Variants in SAMMSON observed in about 807,000 individuals in gnomAD.
The protein encoded by SAMMSON is survival associated mitochondrial melanoma specific oncogenic non-coding RNA, also known as long intergenic non-protein coding RNA 1212.
chr3:70,105,850 G>C (rs557223111), intron 4 of SAMMSON, among the ~76,000 whole-genome samples: 27 of 152,152 alleles, frequency 1.8e-4, no homozygotes, highest in Middle Eastern at 6.8e-3. Context: ...TTGAACACTC[G>C]AATCAAACAA....
chr3:70,092,706 C>A (rs1335056162), intron 4 of SAMMSON, among the ~76,000 whole-genome samples: 1 of 152,092 alleles, frequency 6.6e-6, no homozygotes, highest in Admixed American at 6.6e-5. Context: ...TTAATAGACA[C>A]TGGATGCTTA....
chr3:70,388,313 C>T (rs1183445805), intron 9 of SAMMSON, among the ~76,000 whole-genome samples: 4 of 152,138 alleles, frequency 2.6e-5, no homozygotes, highest in Admixed American at 1.3e-4. Flanking sequence ...ATAATAAAGT[C>T]GAGTGATTTT....
chr3:70,016,566 G>T (rs865943280), intron 3 of SAMMSON, among the ~76,000 whole-genome samples: 2 of 151,966 alleles, frequency 1.3e-5, no homozygotes, highest in African/African-American at 4.8e-5. Context: ...AGTTTCTTTT[G>T]CTGTGCAGAA....
chr3:70,417,318 T>C (rs1383824825), intron 2 of SAMMSON, among the ~76,000 whole-genome samples: 1 of 152,190 alleles, frequency 6.6e-6, no homozygotes, highest in South Asian at 2.1e-4. Context: ...TAAAGAGCCA[T>C]AGACAGAACA....
chr3:70,003,459 C>G (rs1322689430), intron 1 of SAMMSON, among the ~76,000 whole-genome samples: 1 of 151,686 alleles, frequency 6.6e-6, no homozygotes, highest in Non-Finnish European at 1.5e-5. Context: ...ATGCTTTGCT[C>G]TAGGAGTTTG....
chr3:70,231,949 T>G (rs1701563593), intron 4 of SAMMSON, among the ~76,000 whole-genome samples: 1 of 152,210 alleles, frequency 6.6e-6, no homozygotes, highest in African/African-American at 2.4e-5. Context: ...CGTGTATTCT[T>G]GACAGTTGTT....
intron 6 of SAMMSON, among the ~76,000 whole-genome samples, chr3:70,278,076 T>C (rs1363637064): frequency 6.6e-6 from 1 of 152,134 alleles, no homozygotes; most frequent in East Asian, 1.9e-4. Context: ...TTCAGCAACA[T>C]AGACAGCTCT....
At chr3:70,172,343 A>G (rs1478564937) in intron 4 of SAMMSON, 1 of 150,992 alleles carries the variant, frequency 6.6e-6, no homozygotes, top group Admixed American at 6.6e-5. Flanking sequence ...GTCATGCTAG[A>G]AAGAGTTTAT....
At chr3:70,406,526 A>G (rs1701179658) in intron 2 of SAMMSON, among the ~76,000 whole-genome samples, 1 of 152,182 alleles carries the variant, frequency 6.6e-6, no homozygotes. Context: ...AAAAATAGCA[A>G]CCATATATTA....
chr3:70,234,143 T>A (rs1701587150), intron 4 of SAMMSON, among the ~76,000 whole-genome samples: 1 of 152,222 alleles, frequency 6.6e-6, no homozygotes, highest in Non-Finnish European at 1.5e-5. Context: ...CTGAGTGGGA[T>A]GTGGACAACT....
At chr3:70,383,968 G>A (rs1434455257) in intron 9 of SAMMSON, among the ~76,000 whole-genome samples, 1 of 151,902 alleles carries the variant, frequency 6.6e-6, no homozygotes, top group Non-Finnish European at 1.5e-5. Flanking sequence ...GTAACTTGAG[G>A]CATTTTGAAT....
intron 9 of SAMMSON, among the ~76,000 whole-genome samples, chr3:70,378,337 A>G (rs1181829643): frequency 6.6e-6 from 1 of 151,926 alleles, no homozygotes; most frequent in Non-Finnish European, 1.5e-5. Flanking sequence ...TGTAATGTTG[A>G]GTGGGAAAAG....
chr3:70,266,848 C>T (rs1389096337), intron 6 of SAMMSON, among the ~76,000 whole-genome samples: 2 of 152,154 alleles, frequency 1.3e-5, no homozygotes, highest in Non-Finnish European at 2.9e-5. Flanking sequence ...ATATAGTGAA[C>T]ACCATTAAGG....
intron 2 of SAMMSON, among the ~76,000 whole-genome samples, chr3:70,421,167 G>T (rs1201815277): frequency 2.0e-5 from 3 of 151,914 alleles, no homozygotes; most frequent in African/African-American, 7.3e-5. Context: ...GTTAGTAAAG[G>T]CATTTCTTAG....
intron 4 of SAMMSON, among the ~76,000 whole-genome samples, chr3:70,086,102 T>A (rs1216724567): frequency 2.6e-5 from 4 of 152,244 alleles, no homozygotes; most frequent in African/African-American, 9.6e-5. Flanking sequence ...ATGTGGCAAG[T>A]CATTTCAACA....
intron 7 of SAMMSON, among the ~76,000 whole-genome samples, chr3:70,344,686 A>T (rs1172248415): frequency 6.6e-6 from 1 of 152,188 alleles, no homozygotes; most frequent in Non-Finnish European, 1.5e-5. Context: ...GGCCAGAGCC[A>T]AGGGCACACT....
intron 7 of SAMMSON, among the ~76,000 whole-genome samples, chr3:70,320,729 T>C (rs1702532822): frequency 1.3e-5 from 2 of 152,092 alleles, no homozygotes; most frequent in Admixed American, 1.3e-4. Flanking sequence ...TCATTCAAGC[T>C]GGCCAATCCA....
chr3:70,180,229 G>T (rs963610314), intron 4 of SAMMSON, among the ~76,000 whole-genome samples: 1 of 152,014 alleles, frequency 6.6e-6, no homozygotes. Flanking sequence ...TAGATAAAAT[G>T]AGTATAGTAA....
At chr3:70,114,235 T>C (rs542413978) in intron 4 of SAMMSON, among the ~76,000 whole-genome samples, 3 of 152,278 alleles carry the variant, frequency 2.0e-5, no homozygotes, top group Admixed American at 2.0e-4. Flanking sequence ...GTGTTTATAA[T>C]GAGAATGTTT....
Sources: allele counts gnomAD v4.1 joint callset (sites outside exome capture counted in the v4.1 genomes callset), GRCh38; gene constraint gnomAD v4.1.1; transcripts MANE v1.5; gene names NCBI Gene and HGNC (gene_info 2026-07-23, HGNC 2026-07-21).